The following AGAP1 variants were observed in gnomAD, a reference collection of about 807,000 sequenced individuals.
AGAP1 encodes the protein ArfGAP with GTPase domain, ankyrin repeat and PH domain 1.
AGAP1 carries 29 observed loss-of-function variants against 105.3 expected under a neutral mutation model. The observed-to-expected ratio is 0.28, with a 90% CI of 0.21 to 0.38. The LOEUF is 0.38. Among genes scored for constraint, AGAP1 ranks in the 10% least tolerant of loss-of-function variants. The pLI is 1.00. For missense variants in AGAP1, 998 were observed against 1,165.1 expected, an observed-to-expected ratio of 0.86 and a Z score of 2.09; for synonymous variants, 509 against 485.9, an observed-to-expected ratio of 1.05 and a Z score of -0.63.
At chr2:235,991,964 G>A (rs117798787) in intron 13 of AGAP1, among the ~76,000 whole-genome samples, 1 of 152,314 alleles carries the variant, frequency 6.6e-6, no homozygotes, top group Admixed American at 6.5e-5. Context: ...CTTGCTGTCC[G>A]TAAAACTGAA....
intron 6 of AGAP1, among the ~76,000 whole-genome samples, chr2:235,755,010 C>T (rs1246719710): frequency 1.3e-5 from 2 of 152,144 alleles, no homozygotes; most frequent in Non-Finnish European, 2.9e-5. Context: ...AAGATGGTTT[C>T]TGCTTGACCT....
intron 13 of AGAP1, among the ~76,000 whole-genome samples, chr2:236,007,894 G>C (rs2056377526): frequency 1.3e-5 from 2 of 152,242 alleles, no homozygotes; most frequent in African/African-American, 4.8e-5. Context: ...GGGGACCTGA[G>C]GCTGCTCCCC....
intron 9 of AGAP1, among the ~76,000 whole-genome samples, chr2:235,827,636 C>G (rs1219171128): frequency 6.6e-6 from 1 of 152,178 alleles, no homozygotes; most frequent in Non-Finnish European, 1.5e-5. Flanking sequence ...GGCCCCCATT[C>G]TACCCTCTGA....
rs1485138235 is a variant in AGAP1 at position 235,577,176 on chromosome 2, CAG to C, written c.163+82329_163+82330del. On this transcript the variant is annotated intron_variant, in intron 1 of 17. Coordinates refer to ENST00000304032, the MANE Select transcript of AGAP1 (RefSeq NM_001037131.3). The surrounding 1 kb of genome is among the most constrained non-coding windows in gnomAD (Gnocchi z 4.5). ...GCTACATTAGAAAAAATAAAAGAAACAGATGAAATTAATTTTAATAAACTGTT... is the reference window on the plus strand; with the variant it reads ...GCTACATTAGAAAAAATAAAAGAAACATGAAATTAATTTTAATAAACTGTT... Among the ~76,000 whole-genome samples, 9 of 152,160 alleles carry C rather than the reference CAG, an allele frequency of 5.9e-5. No homozygotes were observed. Among genetic ancestry groups the C allele is most frequent in the Non-Finnish European group, 1.2e-4 (8 of 68,024 alleles).
In AGAP1 at chr2:236,086,948, G is replaced by T. The variant is rs1038770912; in HGVS notation, c.2115-33244G>T. The stretch of plus-strand genomic sequence containing the variant: ...GTTGAGTAGCTGGAAGCAGCTGGTG[G>T]GTTTTGTGTGGCTACTGAACAGTGG... On this transcript the variant is annotated intron_variant, in intron 16 of 17. Transcript: ENST00000304032. Among the ~76,000 whole-genome samples, 4 of 151,314 alleles carry T rather than the reference G, an allele frequency of 2.6e-5. No homozygotes were observed. In the South Asian group the frequency reaches 8.4e-4, roughly 32 times the overall value.
At chr2:235,945,615 A>T (rs1351105818) in intron 12 of AGAP1, among the ~76,000 whole-genome samples, 2 of 152,202 alleles carry the variant, frequency 1.3e-5, no homozygotes, top group Non-Finnish European at 2.9e-5. Context: ...AGAAACATTT[A>T]AAATGCAGTT....
rs2057572094 is a variant in AGAP1 at position 236,042,251 on chromosome 2, G to A, written c.1891+1410G>A. On this transcript the variant is annotated intron_variant, in intron 15 of 17. Transcript: ENST00000304032. The surrounding 1 kb of genome is among the most constrained non-coding windows in gnomAD (Gnocchi z 5.6). ...GAGACAGGAGCCCAGGACTGCTCCA[G>A]ACAAAAGGGAAAGGAAGCGCCCCCT... is the stretch of plus-strand genomic sequence containing the variant. Among the ~76,000 whole-genome samples the A allele has an allele frequency of 6.6e-6, 1 of 152,080 alleles. No individual in the cohort carries two copies. Among genetic ancestry groups the A allele is most frequent in the African/African-American group, 2.4e-5 (1 of 41,418 alleles).
chr2:235,599,255 C>T lies in AGAP1; in HGVS notation c.163+104406C>T, dbSNP rs1015788306. Among the ~76,000 whole-genome samples, 5 of 152,042 alleles carry T rather than the reference C, an allele frequency of 3.3e-5. No homozygotes were observed. Among genetic ancestry groups the T allele is most frequent in the East Asian group, 3.9e-4 (2 of 5,180 alleles). On this transcript the variant is annotated intron_variant, in intron 1 of 17. Coordinates refer to ENST00000304032, the MANE Select transcript of AGAP1 (RefSeq NM_001037131.3). The surrounding 1 kb of genome is among the most constrained non-coding windows in gnomAD (Gnocchi z 5.3). ...CCACACAGCTGTTCATTTCGGTGGC[C>T]GAGGGCCTGTGGGCTGCAGTACGTT...
At chr2:235,675,280 C>T (rs1256944802) in intron 1 of AGAP1, among the ~76,000 whole-genome samples, 1 of 151,358 alleles carries the variant, frequency 6.6e-6, no homozygotes, top group African/African-American at 2.4e-5. Flanking sequence ...ACCTCTGCCT[C>T]CCGGGTTCAT....
chr2:235,774,390 CTGAGTCTGTCGGGT>C (rs1955699126), intron 6 of AGAP1: 3 of 470,860 alleles, frequency 6.4e-6, no homozygotes, highest in Admixed American at 2.4e-5. Flanking sequence ...TTAAAAAGGG[CTGAGTCTGTCGGGT>C]TGAGTACTTC....
rs939103317 is a variant in AGAP1, at chr2:236,044,084, G to T, written c.1891+3243G>T. ...GTGGACGCTGAGCCTCTGGAGCTTT[G>T]GGGGTGCCTGTCTATAAAGGGATTC... On this transcript the variant is annotated intron_variant, in intron 15 of 17. Transcript: ENST00000304032. The surrounding 1 kb of genome is among the most constrained non-coding windows in gnomAD (Gnocchi z 5.7). Among the ~76,000 whole-genome samples, 1 of 152,102 alleles carries T rather than the reference G, an allele frequency of 6.6e-6. No homozygotes were observed. The highest frequency in any genetic ancestry group is 1.5e-5 in the Non-Finnish European group (1 of 68,014).
rs13428146 is a variant in AGAP1, at chr2:235,957,990, T to C, written c.1484-10472T>C. Among the ~76,000 whole-genome samples, 825 of 152,342 alleles carry C rather than the reference T, an allele frequency of 5.4e-3. 7 individuals carry two copies. The highest frequency in any genetic ancestry group is 0.019 in the African/African-American group (781 of 41,572). ...AGGTAAATTAAGGTGTGGGTGGAAG[T>C]CAGCAGGGGCAGGGGGCCGATACAT... On this transcript the variant is annotated intron_variant, in intron 12 of 17. Transcript: ENST00000304032. The surrounding 1 kb of genome is among the most constrained non-coding windows in gnomAD (Gnocchi z 4.6).
chr2:235,893,138 C>T lies in AGAP1; in HGVS notation c.1155+9689C>T, dbSNP rs2050622810. On this transcript the variant is annotated intron_variant, in intron 10 of 17. Transcript: ENST00000304032. The surrounding 1 kb of genome is among the most constrained non-coding windows in gnomAD (Gnocchi z 4.7). ...TCATAAGGGTGCGCCATGTCTGTGG[C>T]GTAGTGTGCACCGTGTCCATCATAA... Among the ~76,000 whole-genome samples the T allele has an allele frequency of 3.4e-5, 5 of 147,550 alleles. No individual in the cohort carries two copies. The South Asian group carries it at 8.9e-4, about 26-fold the overall frequency.
chr2:235,499,213 C>T (rs1484336755), intron 1 of AGAP1, among the ~76,000 whole-genome samples: 2 of 152,164 alleles, frequency 1.3e-5, no homozygotes, highest in Non-Finnish European at 2.9e-5. Context: ...TCCCATAGGC[C>T]GTGTGTGCAA....
chr2:235,950,424 T>C (rs1254376961), intron 12 of AGAP1, among the ~76,000 whole-genome samples: 1 of 151,758 alleles, frequency 6.6e-6, no homozygotes, highest in East Asian at 2.0e-4. Context: ...GAGAAAATTA[T>C]GGCTGGTGGG....
At chr2:235,969,462 G>A (rs2054549271) in intron 13 of AGAP1, among the ~76,000 whole-genome samples, 1 of 152,140 alleles carries the variant, frequency 6.6e-6, no homozygotes, top group Non-Finnish European at 1.5e-5. Flanking sequence ...GAGAGAGTGT[G>A]GTTACCTGTG....
rs546413135 is a variant in AGAP1, at chr2:235,665,705, G to A, written c.164-43474G>A. ...AGAAAATAGCCTTTGATGTACCCACGGAGGGGCTCTTGGTGGGCTCCCGGG... is the reference window on the plus strand; with the variant it reads ...AGAAAATAGCCTTTGATGTACCCACAGAGGGGCTCTTGGTGGGCTCCCGGG... On this transcript the variant is annotated intron_variant, in intron 1 of 17. Coordinates refer to ENST00000304032, the MANE Select transcript of AGAP1 (RefSeq NM_001037131.3). The surrounding 1 kb of genome is among the most constrained non-coding windows in gnomAD (Gnocchi z 5.3). 3.9e-5 allele frequency among the ~76,000 whole-genome samples: 6 copies of A among 152,182 alleles called. No homozygotes were observed. In the South Asian group the frequency reaches 1.0e-3, roughly 27 times the overall value.
At chr2:236,088,790 G>A (rs901421342) in intron 16 of AGAP1, among the ~76,000 whole-genome samples, 4 of 152,256 alleles carry the variant, frequency 2.6e-5, no homozygotes, top group South Asian at 2.1e-4. Context: ...CCATTGTCAC[G>A]AATCTATGTA....
At chr2:236,054,870 C>G (rs2058008979) in intron 16 of AGAP1, among the ~76,000 whole-genome samples, 1 of 152,190 alleles carries the variant, frequency 6.6e-6, no homozygotes, top group African/African-American at 2.4e-5. Context: ...ACTGCCGGGC[C>G]CGGGCCCCCT....
Sources: gnomAD v4.1 joint callset for allele counts (sites outside exome capture counted in the v4.1 genomes callset) on GRCh38, gnomAD v4.1.1 for gene constraint, Gnocchi (gnomAD v3.1) non-coding constraint, MANE v1.5 for transcripts, NCBI Gene and HGNC (gene_info 2026-07-23, HGNC 2026-07-21) for gene names.